HEPACAM2: variants seen among roughly 807,000 people sequenced by gnomAD.
The protein encoded by HEPACAM2 is mitotic kinetics regulator.
HEPACAM2 carries 49 observed loss-of-function variants against 49.6 expected under a neutral mutation model. The observed-to-expected ratio is 0.99, with a 90% CI of 0.78 to 1.25. HEPACAM2 has a LOEUF of 1.25. HEPACAM2 is among the 50% of genes most tolerant of loss of function. HEPACAM2 has a pLI of 0.00. For synonymous variants in HEPACAM2, 197 were observed against 202.9 expected (o/e 0.97, Z 0.25); for missense variants, 525 against 557.2 (o/e 0.94, Z 0.58).
intron 3 of HEPACAM2, among the ~76,000 whole-genome samples, chr7:93,213,259 G>A (rs1794222326): frequency 6.6e-6 from 1 of 151,970 alleles, no homozygotes; most frequent in South Asian, 2.1e-4. Flanking sequence ...TGAACTGCAA[G>A]TAGATACTTG....
At chr7:93,206,065 T>C (rs1794021179) in intron 4 of HEPACAM2, among the ~76,000 whole-genome samples, 1 of 152,098 alleles carries the variant, frequency 6.6e-6, no homozygotes, top group South Asian at 2.1e-4. Flanking sequence ...TCTGATATTA[T>C]GAGAATATCT....
the HEPACAM2 span, among the ~76,000 whole-genome samples, chr7:93,232,182 C>T: frequency 1.3e-5 from 2 of 152,202 alleles, no homozygotes; most frequent in Non-Finnish European, 2.9e-5. Flanking sequence ...GACCGGCGAT[C>T]GCAGTGGTCG....
At chr7:93,200,324 T>C (rs1793850104) in intron 4 of HEPACAM2, among the ~76,000 whole-genome samples, 2 of 152,128 alleles carry the variant, frequency 1.3e-5, no homozygotes, top group Admixed American at 1.3e-4. Flanking sequence ...ACCAGTACGG[T>C]AAGTCCTCAC....
intron 7 of HEPACAM2, among the ~76,000 whole-genome samples, 193 bp from the exon 8 acceptor site, chr7:93,196,094 C>A (rs1433782314): frequency 6.6e-6 from 1 of 152,070 alleles, no homozygotes. Flanking sequence ...AGCTGAGAAT[C>A]GAAACTGAAT....
rs758069319 is a variant in HEPACAM2, at chr7:93,197,407, A to G, written c.1139-10T>C. 11 of 1,592,758 alleles carry G rather than the reference A, an allele frequency of 6.9e-6. No homozygotes were observed. Among genetic ancestry groups the G allele is most frequent in the African/African-American group, 5.4e-5 (4 of 73,720 alleles). ...AGTTTCTGTTTTATAACTAAAATCAAGAGAGAAGAAAAATGGTAAGGTTTT... is the reference window on the plus strand; with the variant it reads ...AGTTTCTGTTTTATAACTAAAATCAGGAGAGAAGAAAAATGGTAAGGTTTT... On this transcript the variant is annotated splice_polypyrimidine_tract_variant and intron_variant, in intron 5 of 9. Coordinates refer to ENST00000394468, the MANE Select transcript of HEPACAM2 (RefSeq NM_001039372.4).
At chr7:93,220,509 T>A (rs1794427111) in intron 1 of HEPACAM2, among the ~76,000 whole-genome samples, 1 of 152,180 alleles carries the variant, frequency 6.6e-6, no homozygotes, top group Non-Finnish European at 1.5e-5. Flanking sequence ...TGGGGAAGAC[T>A]GTGGGGAGAA....
chr7:93,208,536 C>A, intron 4 of HEPACAM2, 44 bp downstream of exon 4: 1 of 1,530,222 alleles, frequency 6.5e-7, no homozygotes, highest in Non-Finnish European at 9.0e-7. Context: ...GGCCAGCATG[C>A]ATTCATGTTT....
chr7:93,218,091 C>T (rs943282824), intron 2 of HEPACAM2, among the ~76,000 whole-genome samples: 4 of 152,040 alleles, frequency 2.6e-5, no homozygotes, highest in Admixed American at 2.0e-4. Context: ...TGTTTTGGCC[C>T]GTTCCAGGAA....
At chr7:93,214,593 C>T (rs1369451563) in intron 3 of HEPACAM2, among the ~76,000 whole-genome samples, 2 of 152,124 alleles carry the variant, frequency 1.3e-5, no homozygotes, top group Admixed American at 6.6e-5. Flanking sequence ...GGGGTATTCT[C>T]ATTCTTTCAA....
intron 4 of HEPACAM2, among the ~76,000 whole-genome samples, chr7:93,204,330 C>CT (rs1258751790): frequency 8.7e-6 from 1 of 114,922 alleles, no homozygotes; most frequent in Non-Finnish European, 1.9e-5. Context: ...CATTCTCTAT[C>CT]TATCTATCTA....
At chr7:93,204,032 A>G (rs538485291) in intron 4 of HEPACAM2, among the ~76,000 whole-genome samples, 1 of 152,150 alleles carries the variant, frequency 6.6e-6, no homozygotes, top group Non-Finnish European at 1.5e-5. Flanking sequence ...AGTGAAATAC[A>G]TTTCCTAGAC....
chr7:93,224,139 T>A (rs970825365), intron 1 of HEPACAM2, among the ~76,000 whole-genome samples: 7 of 151,962 alleles, frequency 4.6e-5, no homozygotes, highest in African/African-American at 1.7e-4. Flanking sequence ...ATAAATAATA[T>A]AAAAAGGTTG....
At chr7:93,200,723 G>A (rs1276042225) in intron 4 of HEPACAM2, among the ~76,000 whole-genome samples, 1 of 152,084 alleles carries the variant, frequency 6.6e-6, no homozygotes, top group Non-Finnish European at 1.5e-5. Context: ...GTCTTGCGGA[G>A]CACTTTCATA....
At chr7:93,230,335 T>C (rs1184912375), upstream of HEPACAM2, among the ~76,000 whole-genome samples, 2 of 152,208 alleles carry the variant, frequency 1.3e-5, no homozygotes, top group Non-Finnish European at 2.9e-5. Context: ...TTTTCTCATC[T>C]TTACAGCATG....
intron 4 of HEPACAM2, among the ~76,000 whole-genome samples, chr7:93,202,371 A>T (rs899677476): frequency 6.6e-6 from 1 of 152,076 alleles, no homozygotes; most frequent in Admixed American, 6.6e-5. Context: ...GAGAAACTAA[A>T]ATATTTGCCA....
At chr7:93,210,021 T>G (rs934118881) in intron 3 of HEPACAM2, among the ~76,000 whole-genome samples, 2 of 151,986 alleles carry the variant, frequency 1.3e-5, no homozygotes. Context: ...GCAGTACTCC[T>G]GTAGCATTGT....
At chr7:93,226,502 G>T, upstream of HEPACAM2, 1 of 1,363,298 alleles carries the variant, frequency 7.3e-7, no homozygotes, top group Non-Finnish European at 1.0e-6. Flanking sequence ...TGGTTTATTT[G>T]CTAGGGAAAT....
rs758202094 is a variant in HEPACAM2, at chr7:93,219,352, G to T, written c.179C>A (p.Pro60Gln). 18 of 1,613,892 alleles carry T rather than the reference G, an allele frequency of 1.1e-5. No homozygotes were observed. The Admixed American group carries it at 2.8e-4, about 25-fold the overall frequency. Residue 60 changes from proline (P) to glutamine (Q), a missense_variant, in exon 2 of 10, where the codon CCA becomes CAA. Pro to Gln is a moderately conservative substitution (Grantham distance 76). Coordinates refer to ENST00000394468, the MANE Select transcript of HEPACAM2 (RefSeq NM_001039372.4). ...CCATATGATCTGGATGTCTGATGCT[G>T]GAGTGTGGAAGCCATAGTGGACGGG... ...YLPVHYGFHT[P>Q]ASDIQIIWLF... is the part of the protein sequence containing the mutation.
chr7:93,192,993 A>G (rs2116625982), intron 8 of HEPACAM2, among the ~76,000 whole-genome samples: 1 of 152,204 alleles, frequency 6.6e-6, no homozygotes, highest in East Asian at 1.9e-4. Flanking sequence ...TTTGTGTTTT[A>G]TTAATTCCCA....
Sources: gnomAD v4.1 joint callset for allele counts (sites outside exome capture counted in the v4.1 genomes callset) on GRCh38, gnomAD v4.1.1 for gene constraint, MANE v1.5 for transcripts, NCBI Gene and HGNC (gene_info 2026-07-23, HGNC 2026-07-21) for gene names.